Variants in SHC3 observed in about 807,000 individuals in gnomAD.
SHC3 encodes SHC-transforming protein 3.
Under a neutral mutation model 60.4 loss-of-function variants are expected in SHC3, and 15 were observed. The observed-to-expected ratio is 0.25, with a 90% CI of 0.17 to 0.38. The LOEUF is 0.38. SHC3 is among the 10% of genes least tolerant of loss of function. The pLI is 1.00. For synonymous variants in SHC3, 294 were observed against 325.9 expected, an observed-to-expected ratio of 0.90 and a Z score of 1.05; for missense variants, 677 against 786.1, an observed-to-expected ratio of 0.86 and a Z score of 1.66.
At chr9:89,052,701 G>A (rs369614149) in intron 6 of SHC3, among the ~76,000 whole-genome samples, 3 of 152,274 alleles carry the variant, frequency 2.0e-5, no homozygotes, top group African/African-American at 7.2e-5. Flanking sequence ...AAACAATAAG[G>A]AAACCTTTGA....
intron 1 of SHC3, among the ~76,000 whole-genome samples, chr9:89,137,520 A>T (rs1826336221): frequency 6.6e-6 from 1 of 152,188 alleles, no homozygotes; most frequent in African/African-American, 2.4e-5. Context: ...AGTTCATGAT[A>T]AAAAAATTCC....
chr9:89,054,613 C>T (rs1824918801), intron 6 of SHC3, among the ~76,000 whole-genome samples: 2 of 152,358 alleles, frequency 1.3e-5, no homozygotes, highest in Non-Finnish European at 2.9e-5. Flanking sequence ...GCCTGCTGGG[C>T]TTCACCTCTC....
At chr9:89,087,798 C>T (rs1356366087) in intron 2 of SHC3, among the ~76,000 whole-genome samples, 1 of 152,114 alleles carries the variant, frequency 6.6e-6, no homozygotes, top group African/African-American at 2.4e-5. Flanking sequence ...AGACATGCTT[C>T]ATTATACACT....
chr9:89,138,491 T>G (rs1231902033), intron 1 of SHC3, among the ~76,000 whole-genome samples: 1 of 152,242 alleles, frequency 6.6e-6, no homozygotes, highest in African/African-American at 2.4e-5. Context: ...CAGAGGTCAC[T>G]CTCATTGCCA....
At chr9:89,065,361 A>C (rs572354743) in intron 6 of SHC3, among the ~76,000 whole-genome samples, 168 bp downstream of exon 6, 20 of 152,280 alleles carry the variant, frequency 1.3e-4, no homozygotes, top group South Asian at 1.0e-3. Context: ...GTACCTCCTA[A>C]CTCAGCCAAG....
intron 10 of SHC3, among the ~76,000 whole-genome samples, 197 bp from the exon 11 acceptor site, chr9:89,038,485 C>A (rs1158599447): frequency 2.0e-5 from 3 of 152,194 alleles, no homozygotes; most frequent in African/African-American, 7.2e-5. Context: ...AAAAGCACAG[C>A]CCAAATTTTG....
At chr9:89,087,089 G>T (rs1338134892) in intron 2 of SHC3, among the ~76,000 whole-genome samples, 1 of 152,184 alleles carries the variant, frequency 6.6e-6, no homozygotes, top group East Asian at 1.9e-4. Flanking sequence ...TGCATCAAGG[G>T]ACTCCAGATG....
chr9:89,031,388 C>G (rs1213494214), intron 11 of SHC3, among the ~76,000 whole-genome samples: 1 of 152,174 alleles, frequency 6.6e-6, no homozygotes, highest in Non-Finnish European at 1.5e-5. Flanking sequence ...TATCACCTCC[C>G]TGTCCTCCCA....
In SHC3 at chr9:89,043,261, A is replaced by G. The variant is rs533478545; in HGVS notation, c.1202-1077T>C. Among the ~76,000 whole-genome samples, 3 of 152,294 alleles carry G rather than the reference A, an allele frequency of 2.0e-5. 1 individual carries two copies. In the East Asian group the frequency reaches 5.8e-4, roughly 29 times the overall value. On this transcript the variant is annotated intron_variant, in intron 9 of 11. Transcript: ENST00000375835. ...TGTGAGAATGAAGTGTCGTGCTAACATTCCCTCGCTGGGGAGCACCACCTG... is the reference window on the plus strand; with the variant it reads ...TGTGAGAATGAAGTGTCGTGCTAACGTTCCCTCGCTGGGGAGCACCACCTG...
chr9:89,154,317 C>T (rs867091456), intron 1 of SHC3, among the ~76,000 whole-genome samples: 15 of 152,190 alleles, frequency 9.9e-5, no homozygotes, highest in South Asian at 2.1e-4. Flanking sequence ...CTGGACACCC[C>T]GATTTAGAGT....
intron 6 of SHC3, among the ~76,000 whole-genome samples, chr9:89,058,872 G>T (rs1306052742): frequency 7.1e-6 from 1 of 140,350 alleles, no homozygotes; most frequent in Non-Finnish European, 1.5e-5. Context: ...TGGAGGACGT[G>T]GTGGAAGACA....
At chr9:89,098,988 T>G (rs1345423473) in intron 2 of SHC3, among the ~76,000 whole-genome samples, 3 of 151,292 alleles carry the variant, frequency 2.0e-5, no homozygotes, top group Admixed American at 2.0e-4. Context: ...AATAAATAAA[T>G]TAATTAATTA....
chr9:89,028,210 C>G (rs547158050), intron 11 of SHC3, among the ~76,000 whole-genome samples: 1 of 152,270 alleles, frequency 6.6e-6, no homozygotes, highest in South Asian at 2.1e-4. Flanking sequence ...CCTCCACACA[C>G]ACAATTCACA....
chr9:89,130,509 T>C (rs1415676791), intron 1 of SHC3, among the ~76,000 whole-genome samples: 1 of 152,142 alleles, frequency 6.6e-6, no homozygotes, highest in Non-Finnish European at 1.5e-5. Context: ...GACCACATAG[T>C]TGGAATTAAA....
At chr9:89,102,189 T>C (rs578054302) in intron 2 of SHC3, among the ~76,000 whole-genome samples, 1 of 152,284 alleles carries the variant, frequency 6.6e-6, no homozygotes, top group Admixed American at 6.5e-5. Context: ...GTTCCTGATA[T>C]TGGTCATTTG....
At chr9:89,044,371 C>G (rs1587692245) in intron 9 of SHC3, among the ~76,000 whole-genome samples, 1 of 152,318 alleles carries the variant, frequency 6.6e-6, no homozygotes, top group East Asian at 1.9e-4. Context: ...GTGGGTCTTC[C>G]TGCATCTGGG....
chr9:89,124,610 T>C (rs1007987009), intron 1 of SHC3, among the ~76,000 whole-genome samples: 3 of 152,076 alleles, frequency 2.0e-5, no homozygotes, highest in African/African-American at 7.2e-5. Context: ...CACTGCACGT[T>C]CTCACTCATA....
At chr9:89,056,986 C>A (rs1824962905) in intron 6 of SHC3, among the ~76,000 whole-genome samples, 1 of 152,240 alleles carries the variant, frequency 6.6e-6, no homozygotes, top group South Asian at 2.1e-4. Context: ...GGTGGCTTGG[C>A]TCCCACAGTC....
intron 1 of SHC3, among the ~76,000 whole-genome samples, chr9:89,117,548 G>A (rs193158893): frequency 2.0e-5 from 3 of 151,744 alleles, no homozygotes; most frequent in Admixed American, 6.6e-5. Flanking sequence ...CTTTCTTTTG[G>A]TGGCATCTAC....
Sources: gnomAD v4.1 joint callset for allele counts (sites outside exome capture counted in the v4.1 genomes callset) on GRCh38, gnomAD v4.1.1 for gene constraint, MANE v1.5 for transcripts, NCBI Gene and HGNC (gene_info 2026-07-23, HGNC 2026-07-21) for gene names.